The following LRRC31 variants were observed in gnomAD, a reference collection of about 807,000 sequenced individuals.
LRRC31 encodes the protein leucine-rich repeat-containing protein 31.
LRRC31 carries 35 observed loss-of-function variants against 46.7 expected under a neutral mutation model. That is an observed-to-expected ratio of 0.75 (90% CI 0.57 to 0.99). The LOEUF (loss-of-function observed/expected upper bound fraction) is 0.99. Ranked by LOEUF, LRRC31 falls within the 50% of genes least tolerant of loss-of-function variation. The pLI is 0.00. For missense variants in LRRC31, 613 were observed against 626.1 expected, an observed-to-expected ratio of 0.98 and a Z score of 0.22; for synonymous variants, 236 against 235.1, an observed-to-expected ratio of 1.00 and a Z score of -0.03.
At position 169,869,667 on chromosome 3, in the gene LRRC31, G is replaced by T; in HGVS notation, c.141C>A (p.Ser47Arg). 6.2e-7 allele frequency: 1 copy of T among 1,608,988 alleles called. No homozygotes were observed. The highest frequency in any genetic ancestry group is 1.7e-4 in the Middle Eastern group (1 of 6,042). Residue 47 changes from serine (S) to arginine (R), a missense_variant, in exon 1 of 9, where the codon AGC becomes AGA. Transcript: ENST00000316428. ...NDLKTSDSQP[S>R]DWIQKTATSE... ...AGGTGGCTGTCTTCTGTATCCAGTCGCTGGGTTGGGAATCACTTGTTTTAA... is the reference window on the plus strand; with the variant it reads ...AGGTGGCTGTCTTCTGTATCCAGTCTCTGGGTTGGGAATCACTTGTTTTAA...
chr3:169,841,823 G>C (rs1476222394), intron 8 of LRRC31, among the ~76,000 whole-genome samples: 2 of 151,934 alleles, frequency 1.3e-5, no homozygotes, highest in Non-Finnish European at 2.9e-5. Flanking sequence ...GAGGTGAGTG[G>C]ATCACCAGGT....
chr3:169,868,543 G>T (rs1781399446), intron 1 of LRRC31, among the ~76,000 whole-genome samples: 2 of 152,068 alleles, frequency 1.3e-5, no homozygotes, highest in Admixed American at 1.3e-4. Flanking sequence ...CTTAGAGCAG[G>T]GGTTACTACA....
In LRRC31 at chr3:169,839,996, C is replaced by T. The variant is rs781496088; in HGVS notation, c.1645G>A (p.Gly549Ser). ...GGGAAATCAGTTTACTGAAACCCAC[C>T]ATGGTCAAAGTGAATGCTTCTTTTT... is the stretch of plus-strand genomic sequence containing the variant. ...DKKRSIHFDHGGFQ is the reference protein window; with the variant it reads ...DKKRSIHFDHSGFQ The change falls in exon 9 of 9, where the codon GGT becomes AGT. Residue 549 changes from glycine to serine, a missense_variant. Physicochemically the swap from Gly to Ser is moderately conservative, Grantham distance 56 (BLOSUM62 0). Coordinates refer to ENST00000316428, the MANE Select transcript of LRRC31 (RefSeq NM_024727.4). The T allele has an allele frequency of 2.5e-6, 4 of 1,611,074 alleles. No individual in the cohort carries two copies. The highest frequency in any genetic ancestry group is 2.2e-5 in the East Asian group (1 of 44,876).
At chr3:169,861,637 T>C (rs759160738) in intron 2 of LRRC31, 33 bp downstream of exon 2, 1 of 1,608,314 alleles carries the variant, frequency 6.2e-7, no homozygotes, top group South Asian at 1.1e-5. Context: ...AAAGGCCCTA[T>C]CTTCCTCTAT....
At chr3:169,858,566 C>T (rs111531099) in intron 3 of LRRC31, among the ~76,000 whole-genome samples, 584 of 152,322 alleles carry the variant, frequency 3.8e-3, no homozygotes, top group Non-Finnish European at 7.1e-3. Context: ...AACTATTATG[C>T]ACCAGGCATG....
intron 3 of LRRC31, among the ~76,000 whole-genome samples, chr3:169,858,435 A>G (rs1403637050): frequency 1.3e-5 from 2 of 152,220 alleles, no homozygotes; most frequent in African/African-American, 2.4e-5. Flanking sequence ...GGTATGTTAA[A>G]ATTGTGAGTC....
chr3:169,861,437 G>A lies in LRRC31; in HGVS notation c.319+233C>T, dbSNP rs567557805. Among the ~76,000 whole-genome samples the A allele has an allele frequency of 1.9e-3, 292 of 151,274 alleles. 4 individuals are homozygous for A. The highest frequency in any genetic ancestry group is 6.6e-3 in the African/African-American group (274 of 41,234). The stretch of plus-strand genomic sequence containing the variant: ...CGGGAGGCTGAGGCAGGAGAATGGC[G>A]TGAACCCGGGAGGCGGAGCTTACAG... On this transcript the variant is annotated intron_variant, in intron 2 of 8. Transcript: ENST00000316428.
intron 1 of LRRC31, among the ~76,000 whole-genome samples, chr3:169,868,756 A>G (rs1296339408): frequency 6.6e-6 from 1 of 152,242 alleles, no homozygotes; most frequent in Non-Finnish European, 1.5e-5. Flanking sequence ...CATTTAAAGC[A>G]TGTAAGTAAC....
chr3:169,862,783 A>AAAT (rs2108226820), intron 1 of LRRC31, among the ~76,000 whole-genome samples: 1 of 151,550 alleles, frequency 6.6e-6, no homozygotes, highest in African/African-American at 2.4e-5. Context: ...AATAAATAAA[A>AAAT]AAGATAGCAC....
chr3:169,856,432 G>T lies in LRRC31; in HGVS notation c.727C>A (p.Leu243Met), dbSNP rs768328283. Residue 243 changes from leucine to methionine, a missense_variant, in exon 5 of 9, where the codon CTG becomes ATG. Physicochemically the swap from Leu to Met is conservative, Grantham distance 15. Coordinates refer to ENST00000316428, the MANE Select transcript of LRRC31 (RefSeq NM_024727.4). The part of the protein sequence containing the change: ...LSINRDIVGS[L>M]NSIAQGLKST... ...TTTAATCCCTGAGCAATACTGTTCA[G>T]ACTGCCAACAATGTCTCTGTTAATG... 1.1e-5 allele frequency: 18 copies of T among 1,607,662 alleles called. No individual in the cohort carries two copies. Among genetic ancestry groups the T allele is most frequent in the Non-Finnish European group, 1.4e-5 (17 of 1,177,146 alleles).
At chr3:169,849,416 A>C (rs1780692135) in intron 7 of LRRC31, among the ~76,000 whole-genome samples, 1 of 152,250 alleles carries the variant, frequency 6.6e-6, no homozygotes, top group African/African-American at 2.4e-5. Context: ...AGCTAGAATT[A>C]GAAACAGCTG....
At chr3:169,846,604 T>C (rs1780612191) in intron 8 of LRRC31, among the ~76,000 whole-genome samples, 1 of 151,902 alleles carries the variant, frequency 6.6e-6, no homozygotes, top group South Asian at 2.1e-4. Context: ...GCCAAGATCA[T>C]GCTACTTCAT....
chr3:169,865,990 C>T (rs539567056), intron 1 of LRRC31, among the ~76,000 whole-genome samples: 81 of 152,066 alleles, frequency 5.3e-4, no homozygotes, highest in African/African-American at 1.5e-3. Context: ...AGGATGAGGG[C>T]GGCGCTGTGG....
chr3:169,848,462 T>C (rs1207557780), intron 7 of LRRC31, among the ~76,000 whole-genome samples, 175 bp from the exon 8 acceptor site: 1 of 152,090 alleles, frequency 6.6e-6, no homozygotes, highest in Non-Finnish European at 1.5e-5. Context: ...TGTCTGTTTT[T>C]TGTTTTTTGT....
chr3:169,854,110 G>A (rs1340398249), intron 6 of LRRC31, among the ~76,000 whole-genome samples: 3 of 152,202 alleles, frequency 2.0e-5, no homozygotes, highest in Non-Finnish European at 4.4e-5. Flanking sequence ...GAGTGTTAGA[G>A]GACAGGGAGA....
chr3:169,860,212 CTTTTT>C (rs1013028015), intron 3 of LRRC31, among the ~76,000 whole-genome samples: 1 of 151,508 alleles, frequency 6.6e-6, no homozygotes, highest in African/African-American at 2.4e-5. Flanking sequence ...CAGCCTTGTT[CTTTTT>C]TTTCTTTTCT....
intron 1 of LRRC31, among the ~76,000 whole-genome samples, chr3:169,865,039 G>A (rs987798309): frequency 6.6e-6 from 1 of 151,710 alleles, no homozygotes; most frequent in African/African-American, 2.4e-5. Context: ...TTGTCCCACT[G>A]CACTCCAGCC....
intron 6 of LRRC31, chr3:169,853,549 G>A: frequency 1.0e-6 from 1 of 985,782 alleles, no homozygotes; most frequent in Non-Finnish European, 1.2e-6. Context: ...TGTACCAAGG[G>A]AATCTGGTGG....
chr3:169,859,168 T>A (rs962434963), intron 3 of LRRC31, among the ~76,000 whole-genome samples: 3 of 129,762 alleles, frequency 2.3e-5, no homozygotes, highest in African/African-American at 8.8e-5. Context: ...GGTGGTGCAC[T>A]CCTGTAATCC....
Sources: gnomAD v4.1 joint callset for allele counts (sites outside exome capture counted in the v4.1 genomes callset) on GRCh38, gnomAD v4.1.1 for gene constraint, MANE v1.5 for transcripts, NCBI Gene and HGNC (gene_info 2026-07-23, HGNC 2026-07-21) for gene names.